CFAP299: variants seen among roughly 807,000 people sequenced by gnomAD.
CFAP299 encodes the protein cilia and flagella associated protein 299.
In CFAP299, 21 loss-of-function variants were observed where a neutral mutation model predicts 27.0. That is an observed-to-expected ratio of 0.78 (90% CI 0.55 to 1.12). The LOEUF (loss-of-function observed/expected upper bound fraction) is 1.12, where lower values mean the gene tolerates loss of function less well. CFAP299 is among the 50% of genes most tolerant of loss of function. CFAP299 has a pLI of 0.00. For missense variants in CFAP299, 310 were observed against 276.6 expected (o/e 1.12, Z -0.86); for synonymous variants, 104 against 98.1 (o/e 1.06, Z -0.36).
intron 2 of CFAP299, among the ~76,000 whole-genome samples, chr4:80,507,880 A>G (rs1487108866): frequency 3.9e-5 from 6 of 152,178 alleles, no homozygotes. Context: ...ACTGATTCCT[A>G]TGTAAAGACA....
intron 1 of CFAP299, among the ~76,000 whole-genome samples, chr4:80,343,300 T>C (rs1722550179): frequency 6.6e-6 from 1 of 152,202 alleles, no homozygotes; most frequent in Non-Finnish European, 1.5e-5. Flanking sequence ...ATTCAGGACC[T>C]GAACTCAGCT....
chr4:80,455,428 G>A (rs183100609), intron 2 of CFAP299, among the ~76,000 whole-genome samples: 148 of 151,890 alleles, frequency 9.7e-4, no homozygotes, highest in African/African-American at 3.3e-3. Flanking sequence ...AATTATATAG[G>A]AATTTTTGCA....
At chr4:80,639,293 T>C (rs557972331) in intron 3 of CFAP299, among the ~76,000 whole-genome samples, 4 of 152,182 alleles carry the variant, frequency 2.6e-5, no homozygotes, top group African/African-American at 9.6e-5. Context: ...ATACAAATAC[T>C]CTAAGGAGCT....
intron 3 of CFAP299, among the ~76,000 whole-genome samples, chr4:80,651,126 G>A (rs1388699227): frequency 6.6e-6 from 1 of 151,976 alleles, no homozygotes; most frequent in East Asian, 1.9e-4. Flanking sequence ...TTATACAGGT[G>A]CCTTTTGCCA....
At chr4:80,729,503 C>G (rs976706629) in intron 3 of CFAP299, among the ~76,000 whole-genome samples, 4 of 151,528 alleles carry the variant, frequency 2.6e-5, no homozygotes, top group African/African-American at 9.7e-5. Flanking sequence ...TCTTAGGTCA[C>G]TCACCCTGAG....
intron 3 of CFAP299, among the ~76,000 whole-genome samples, chr4:80,674,873 A>G (rs1360750833): frequency 6.6e-6 from 1 of 152,116 alleles, no homozygotes; most frequent in Admixed American, 6.5e-5. Context: ...CAGCTCCATC[A>G]TGTCATTTAA....
At chr4:80,611,201 T>A (rs1312456732) in intron 3 of CFAP299, among the ~76,000 whole-genome samples, 1 of 152,096 alleles carries the variant, frequency 6.6e-6, no homozygotes, top group East Asian at 1.9e-4. Context: ...CATCATTCTG[T>A]CTTTTCACAA....
chr4:80,430,856 G>A (rs906652024), intron 2 of CFAP299, among the ~76,000 whole-genome samples: 11 of 152,158 alleles, frequency 7.2e-5, no homozygotes, highest in South Asian at 2.1e-4. Flanking sequence ...AGCTTTCTCC[G>A]CTTCAGCCAT....
At chr4:80,712,521 T>G (rs1722235552) in intron 3 of CFAP299, among the ~76,000 whole-genome samples, 2 of 152,192 alleles carry the variant, frequency 1.3e-5, no homozygotes, top group Non-Finnish European at 1.5e-5. Context: ...AAAATCTTGT[T>G]TTGACTTGAG....
At chr4:80,344,793 A>G (rs1722642637) in intron 1 of CFAP299, among the ~76,000 whole-genome samples, 1 of 152,216 alleles carries the variant, frequency 6.6e-6, no homozygotes, top group African/African-American at 2.4e-5. Flanking sequence ...CTTATCCATC[A>G]CAGTCAAGTT....
At chr4:80,339,796 C>A (rs1722350519) in intron 1 of CFAP299, among the ~76,000 whole-genome samples, 1 of 152,096 alleles carries the variant, frequency 6.6e-6, no homozygotes, top group African/African-American at 2.4e-5. Context: ...CTTAGTAATT[C>A]TTCTATTTAA....
rs747415029 is a variant in CFAP299 at position 80,670,432 on chromosome 4, AG to A, written c.333+87250del. On this transcript the variant is annotated intron_variant, in intron 3 of 5. Transcript: ENST00000358105. The stretch of plus-strand genomic sequence containing the variant: ...GTTTCAACTTTCTGCTATTGTGAAT[AG>A]TGCCACAGTAAACATACGTGTGCAT... Among the ~76,000 whole-genome samples the A allele has an allele frequency of 6.6e-5, 10 of 152,226 alleles. 1 individual carries two copies. Among genetic ancestry groups the A allele is most frequent in the Non-Finnish European group, 1.3e-4 (9 of 68,046 alleles).
chr4:80,702,646 C>T (rs543821971), intron 3 of CFAP299, among the ~76,000 whole-genome samples: 151 of 151,822 alleles, frequency 9.9e-4, no homozygotes, highest in Non-Finnish European at 1.7e-3. Context: ...TCTAGCCTCA[C>T]AATGTCTGCT....
rs189297144 is a variant in CFAP299 at position 80,682,132 on chromosome 4, C to A, written c.333+98949C>A. Among the ~76,000 whole-genome samples the A allele has an allele frequency of 8.5e-4, 130 of 152,234 alleles. No individual in the cohort carries two copies. The East Asian group carries it at 0.018, about 21-fold the overall frequency. On this transcript the variant is annotated intron_variant, in intron 3 of 5. Transcript: ENST00000358105. Reference sequence around the variant, plus strand: ...TCAGATTTATTCTGTGGGATCTGCCCGCTTTTTCTCTGGACAATATCATAG... The same window carrying A: ...TCAGATTTATTCTGTGGGATCTGCCAGCTTTTTCTCTGGACAATATCATAG...
chr4:80,787,841 A>G (rs1404644285), intron 3 of CFAP299, among the ~76,000 whole-genome samples: 2 of 151,498 alleles, frequency 1.3e-5, no homozygotes, highest in African/African-American at 4.8e-5. Flanking sequence ...CATGCTATCC[A>G]TTCTGCCTGA....
At chr4:80,547,685 A>G (rs181604727) in intron 2 of CFAP299, among the ~76,000 whole-genome samples, 131 of 152,200 alleles carry the variant, frequency 8.6e-4, no homozygotes, top group Middle Eastern at 3.4e-3. Flanking sequence ...GCAAGCAAAA[A>G]ACCAATAACC....
chr4:80,331,853 G>A (rs533148099), upstream of CFAP299, among the ~76,000 whole-genome samples: 207 of 152,342 alleles, frequency 1.4e-3, no homozygotes, highest in African/African-American at 4.6e-3. Context: ...AAAGCAATAA[G>A]TGTGGGTGAG....
chr4:80,707,480 C>T (rs1284495222), intron 3 of CFAP299, among the ~76,000 whole-genome samples: 1 of 151,916 alleles, frequency 6.6e-6, no homozygotes, highest in East Asian at 1.9e-4. Context: ...CTGGTGCTCT[C>T]ATTACTGCTC....
At chr4:80,341,990 G>C (rs1360283254) in intron 1 of CFAP299, among the ~76,000 whole-genome samples, 1 of 152,188 alleles carries the variant, frequency 6.6e-6, no homozygotes, top group Non-Finnish European at 1.5e-5. Flanking sequence ...TGACCTGATG[G>C]AGATGAAAAA....
Sources: gnomAD v4.1 joint callset for allele counts (sites outside exome capture counted in the v4.1 genomes callset) on GRCh38, gnomAD v4.1.1 for gene constraint, MANE v1.5 for transcripts, NCBI Gene and HGNC (gene_info 2026-07-23, HGNC 2026-07-21) for gene names.